The following TMEM63C variants were observed in gnomAD, a reference collection of about 807,000 sequenced individuals.
TMEM63C encodes osmosensitive cation channel TMEM63C.
In TMEM63C, 32 loss-of-function variants were observed where a neutral mutation model predicts 99.2. The observed-to-expected ratio is 0.32, with a 90% CI of 0.24 to 0.43. The LOEUF is 0.43. Among genes scored for constraint, TMEM63C ranks in the 20% least tolerant of loss-of-function variants. The pLI is 1.00. For missense variants in TMEM63C, 826 were observed against 1,053.0 expected, an observed-to-expected ratio of 0.78 and a Z score of 2.98; for synonymous variants, 376 against 397.9, an observed-to-expected ratio of 0.94 and a Z score of 0.66.
chr14:77,181,988 G>A lies in TMEM63C; in HGVS notation c.-77+94G>A, dbSNP rs143785558. 36 of 152,468 alleles carry A rather than the reference G, an allele frequency of 2.4e-4. 1 individual carries two copies. In the East Asian group the frequency reaches 7.0e-3, roughly 29 times the overall value. 9.4% of individuals were successfully genotyped at this position (152,468 alleles called of 1,614,324 possible). ...AGGTCCCGCACGGGGAGGGGGCGGG[G>A]AAGGATTGCTTGTTTCTGTGCTTTC... On this transcript the variant is annotated intron_variant, in intron 1 of 23. Coordinates refer to ENST00000298351, the MANE Select transcript of TMEM63C (RefSeq NM_020431.4).
At chr14:77,244,849 G>A (rs1889240921) in intron 16 of TMEM63C, among the ~76,000 whole-genome samples, 1 of 152,188 alleles carries the variant, frequency 6.6e-6, no homozygotes, top group Non-Finnish European at 1.5e-5. Flanking sequence ...GAATGCTTTG[G>A]CCACACAGAG....
At chr14:77,239,068 A>C (rs2287379) in intron 10 of TMEM63C, among the ~76,000 whole-genome samples, 25,157 of 152,140 alleles carry the variant, frequency 0.17, 2,336 homozygotes, top group African/African-American at 0.27. Context: ...CTATTTAGAG[A>C]AGATCATCTG....
chr14:77,191,541 T>TC (rs1296005724), intron 1 of TMEM63C, among the ~76,000 whole-genome samples: 2 of 58,300 alleles, frequency 3.4e-5, no homozygotes, highest in African/African-American at 8.3e-5. Flanking sequence ...TCTTTTTCTT[T>TC]TTTTTTTTTT....
chr14:77,183,787 C>G (rs558216399), intron 1 of TMEM63C, among the ~76,000 whole-genome samples: 1 of 152,150 alleles, frequency 6.6e-6, no homozygotes, highest in Non-Finnish European at 1.5e-5. Context: ...GCTGGGGTGA[C>G]CTGTGGGAAG....
At chr14:77,220,921 T>TCC in intron 5 of TMEM63C, among the ~76,000 whole-genome samples, 1 of 3,372 alleles carries the variant, frequency 3.0e-4, no homozygotes, top group African/African-American at 8.5e-4. Flanking sequence ...CACTCACGCC[T>TCC]CCTCTCCCAC....
intron 1 of TMEM63C, among the ~76,000 whole-genome samples, chr14:77,193,779 A>G (rs1221856579): frequency 6.6e-6 from 1 of 152,032 alleles, no homozygotes; most frequent in Non-Finnish European, 1.5e-5. Context: ...AGTTGCAGTA[A>G]GCAGAGATTG....
At position 77,244,413 on chromosome 14, in the gene TMEM63C, T is replaced by C; in HGVS notation, c.1406T>C (p.Leu469Pro). The change falls in exon 16 of 24, where the codon CTG (leucine) becomes CCG (proline). Residue 469 changes from leucine to proline, a missense_variant. Coordinates refer to ENST00000298351, the MANE Select transcript of TMEM63C (RefSeq NM_020431.4). ...TGGGGCTTCACAGTGATACTGCCTC[T>C]GATTGTCTACTTCTCCGCCTTCCTC... The part of the protein sequence containing the change: ...MLWGFTVILP[L>P]IVYFSAFLEA... 1.2e-6 allele frequency: 2 copies of C among 1,613,982 alleles called. No individual in the cohort carries two copies. The highest frequency in any genetic ancestry group is 1.7e-6 in the Non-Finnish European group (2 of 1,179,886).
chr14:77,237,532 C>G (rs924660730), intron 9 of TMEM63C, among the ~76,000 whole-genome samples: 2 of 152,204 alleles, frequency 1.3e-5, no homozygotes, highest in African/African-American at 4.8e-5. Flanking sequence ...CCAGGGAACT[C>G]TGGGAGCTGG....
chr14:77,185,313 T>C (rs1395551169), intron 1 of TMEM63C, among the ~76,000 whole-genome samples: 1 of 152,126 alleles, frequency 6.6e-6, no homozygotes, highest in East Asian at 1.9e-4. Context: ...CTGGTGTCCT[T>C]AGAGGATCAG....
Position 77,239,721 on chromosome 14 carries a change from A to G in TMEM63C, c.925A>G (p.Lys309Glu). The G allele has an allele frequency of 1.1e-5, 17 of 1,613,030 alleles. No individual in the cohort carries two copies. Among genetic ancestry groups the G allele is most frequent in the Non-Finnish European group, 1.4e-5 (16 of 1,179,678 alleles). The change falls in exon 12 of 24, where the codon AAG becomes GAG. Residue 309 changes from lysine to glutamate, a missense_variant. Lys to Glu is a moderately conservative substitution (Grantham distance 56). Transcript: ENST00000298351. ...LCFCKCWTCF[K>E]EVDAEQYYSE... is the part of the protein sequence containing the mutation. ...CTTCTGCAAGTGCTGGACCTGCTTCAAGGAGGTAACTGGCTTGAGCGTTGG... is the reference window on the plus strand; with the variant it reads ...CTTCTGCAAGTGCTGGACCTGCTTCGAGGAGGTAACTGGCTTGAGCGTTGG...
intron 1 of TMEM63C, among the ~76,000 whole-genome samples, chr14:77,196,837 G>C (rs1429026251): frequency 1.3e-5 from 2 of 152,160 alleles, no homozygotes; most frequent in Non-Finnish European, 2.9e-5. Context: ...AACAGCGCGG[G>C]AAGCCCTTTG....
chr14:77,243,054 C>A lies in TMEM63C; in HGVS notation c.1339C>A (p.Gln447Lys), dbSNP rs1263318197. ...YNVTRPIEKL[Q>K]NPIVTQFFPS... ...CGTCACCCGCCCCATCGAGAAGCTG[C>A]AGGTGCCTCCTCTGCTCAGGCCAGG... Residue 447 changes from glutamine to lysine, a missense_variant and splice_region_variant, in exon 15 of 24, where the codon CAG becomes AAG. By Grantham distance (53) the Gln-to-Lys change is moderately conservative. Coordinates refer to ENST00000298351, the MANE Select transcript of TMEM63C (RefSeq NM_020431.4). The A allele has an allele frequency of 6.2e-7, 1 of 1,613,656 alleles. No homozygotes were observed. The highest frequency in any genetic ancestry group is 1.1e-5 in the South Asian group (1 of 91,048).
chr14:77,243,304 G>T (rs1337635478), intron 15 of TMEM63C, among the ~76,000 whole-genome samples: 4 of 152,184 alleles, frequency 2.6e-5, no homozygotes, highest in Non-Finnish European at 4.4e-5. Context: ...TCCACAGGCA[G>T]GTCCTGGGGT....
At chr14:77,184,396 T>G (rs1375066339) in intron 1 of TMEM63C, among the ~76,000 whole-genome samples, 1 of 152,108 alleles carries the variant, frequency 6.6e-6, no homozygotes, top group East Asian at 1.9e-4. Flanking sequence ...ACCGTGGAGC[T>G]TCCTACAGGC....
chr14:77,257,629 G>A lies in TMEM63C; in HGVS notation c.*903G>A, dbSNP rs11847091. ...CCCAGGGCCTAAAGAGAAGACCCCC[G>A]AAGCCAAAGATGTGGCCACTTAAAA... On this transcript the variant is annotated 3_prime_UTR_variant, in exon 24 of 24. Coordinates refer to ENST00000298351, the MANE Select transcript of TMEM63C (RefSeq NM_020431.4). The A allele has an allele frequency of 2.0e-5, 3 of 152,096 alleles. No homozygotes were observed. The highest frequency in any genetic ancestry group is 6.5e-5 in the Admixed American group (1 of 15,276). The allele number at this position is 152,096 out of a possible 1,614,324, so 9.4% of individuals were successfully genotyped here.
chr14:77,205,266 G>A (rs779505968), intron 1 of TMEM63C, among the ~76,000 whole-genome samples: 29 of 152,198 alleles, frequency 1.9e-4, no homozygotes, highest in African/African-American at 4.8e-4. Context: ...TAAGGAGAGC[G>A]AAGAAAGCCC....
At chr14:77,183,055 T>G (rs1887940584) in intron 1 of TMEM63C, among the ~76,000 whole-genome samples, 1 of 152,156 alleles carries the variant, frequency 6.6e-6, no homozygotes, top group Non-Finnish European at 1.5e-5. Context: ...AGAAGTGAAC[T>G]TTCCCCTTAG....
In TMEM63C at chr14:77,248,496, T is replaced by C. The variant is rs1594869629; in HGVS notation, c.1751T>C (p.Val584Ala). Residue 584 changes from valine (V) to alanine (A), a missense_variant, in exon 19 of 24, where the codon GTC becomes GCC. Val to Ala is a moderately conservative substitution (Grantham distance 64). Coordinates refer to ENST00000298351, the MANE Select transcript of TMEM63C (RefSeq NM_020431.4). ...TTCTCTAGATCAGAGCCAGAGAGAG[T>C]CAACATCAGAAAGGTACAGACTGGC... is the stretch of plus-strand genomic sequence containing the variant. ...LFFSRSEPER[V>A]NIRKNQAIDF... is the part of the protein sequence containing the mutation. The C allele has an allele frequency of 1.9e-6, 3 of 1,586,344 alleles. No homozygotes were observed. Among genetic ancestry groups the C allele is most frequent in the Admixed American group, 1.8e-5 (1 of 55,642 alleles).
chr14:77,242,312 G>T, intron 13 of TMEM63C, 35 bp from the exon 14 acceptor site: 1 of 1,041,364 alleles, frequency 9.6e-7, no homozygotes, highest in Non-Finnish European at 1.4e-6. Flanking sequence ...CCCACCCCCA[G>T]ACCCACATTT....
Sources: gnomAD v4.1 joint callset for allele counts (sites outside exome capture counted in the v4.1 genomes callset) on GRCh38, gnomAD v4.1.1 for gene constraint, MANE v1.5 for transcripts, NCBI Gene and HGNC (gene_info 2026-07-23, HGNC 2026-07-21) for gene names.